Variants in RBM25 observed in about 807,000 individuals in gnomAD.
RBM25 encodes RNA binding motif protein 25, also known as RNA-binding protein 25.
Under a neutral mutation model 120.7 loss-of-function variants are expected in RBM25, and 19 were observed. The observed-to-expected ratio is 0.16, with a 90% CI of 0.11 to 0.23. RBM25 has a LOEUF of 0.23. Among genes scored for constraint, RBM25 ranks in the 10% least tolerant of loss-of-function variants. The probability of loss-of-function intolerance (pLI) is 1.00; values close to 1 mark genes in which losing one functional copy is unlikely to be tolerated. For synonymous variants in RBM25, 390 were observed against 326.7 expected, an observed-to-expected ratio of 1.19 and a Z score of -2.09; for missense variants, 605 against 1,041.5, an observed-to-expected ratio of 0.58 and a Z score of 5.77.
chr14:73,115,991 G>C (rs183377187), intron 18 of RBM25, among the ~76,000 whole-genome samples: 11 of 152,208 alleles, frequency 7.2e-5, no homozygotes, highest in African/African-American at 1.9e-4. Flanking sequence ...TCATTTAAGT[G>C]GGGGGAAAGA....
At chr14:73,114,676 A>C (rs1896385588) in intron 18 of RBM25, among the ~76,000 whole-genome samples, 1 of 152,204 alleles carries the variant, frequency 6.6e-6, no homozygotes, top group Admixed American at 6.5e-5. Context: ...CGGGTGGATC[A>C]CAAGGTCAAG....
At chr14:73,079,210 G>A (rs1307772943) in intron 4 of RBM25, among the ~76,000 whole-genome samples, 2 of 150,562 alleles carry the variant, frequency 1.3e-5, no homozygotes, top group African/African-American at 4.8e-5. Context: ...ATCACTTGAG[G>A]TCAGGAGTTT....
intron 7 of RBM25, among the ~76,000 whole-genome samples, chr14:73,098,416 C>T (rs181270791): frequency 2.0e-5 from 3 of 152,174 alleles, no homozygotes; most frequent in African/African-American, 7.2e-5. Context: ...AAGTGTGAAT[C>T]ACTCATAGCT....
At chr14:73,117,275 A>G (rs1211252786) in intron 18 of RBM25, among the ~76,000 whole-genome samples, 1 of 108,858 alleles carries the variant, frequency 9.2e-6, no homozygotes, top group Admixed American at 1.4e-4. Context: ...TTCCCAGGCT[A>G]TATGGAGTGA....
In RBM25 at chr14:73,123,249, C is replaced by T. The variant is rs1008963230; in HGVS notation, c.*3444C>T. 1 of 151,874 alleles carries T rather than the reference C, an allele frequency of 6.6e-6. No individual in the cohort carries two copies. Among genetic ancestry groups the T allele is most frequent in the Non-Finnish European group, 1.5e-5 (1 of 68,004 alleles). 9.4% of individuals were successfully genotyped at this position (151,874 alleles called of 1,614,324 possible). A position where few individuals can be genotyped will look rare whatever the true frequency, so the allele number is the denominator to read the frequency against. On this transcript the variant is annotated 3_prime_UTR_variant, in exon 19 of 19. Transcript: ENST00000261973. ...CATTTAGCTTGAGAGCCAATTTGAA[C>T]TAGACACTATCTTTTTTTCTCCTTT...
At chr14:73,065,309 G>A (rs1673652968) in intron 1 of RBM25, among the ~76,000 whole-genome samples, 1 of 151,948 alleles carries the variant, frequency 6.6e-6, no homozygotes, top group Admixed American at 6.6e-5. Flanking sequence ...TTGTATTTTA[G>A]TAGAGACGGG....
At position 73,112,352 on chromosome 14, in the gene RBM25, G is replaced by A. The variant is rs868599855; in HGVS notation, c.2391+102G>A. On this transcript the variant is annotated intron_variant, in intron 17 of 18. Coordinates refer to ENST00000261973, the MANE Select transcript of RBM25 (RefSeq NM_021239.3). The stretch of plus-strand genomic sequence containing the variant: ...ATTTTACAGAGTCAAGTTCCATGAT[G>A]GTTTAGGTTCAGTTAAGTGATTTAT... The A allele has an allele frequency of 8.6e-5, 99 of 1,148,056 alleles. No individual in the cohort carries two copies. In the Middle Eastern group the frequency reaches 9.4e-4, roughly 11 times the overall value. 71.1% of individuals were successfully genotyped at this position (1,148,056 alleles called of 1,614,324 possible).
At chr14:73,117,631 A>G (rs983375536) in intron 18 of RBM25, among the ~76,000 whole-genome samples, 3 of 152,162 alleles carry the variant, frequency 2.0e-5, no homozygotes, top group Non-Finnish European at 2.9e-5. Flanking sequence ...ACCTACTGCT[A>G]TGGTGTGTAG....
At chr14:73,067,793 A>G (rs1023557309) in intron 1 of RBM25, among the ~76,000 whole-genome samples, 4 of 147,212 alleles carry the variant, frequency 2.7e-5, no homozygotes, top group African/African-American at 1.0e-4. Flanking sequence ...TTGTATTTTT[A>G]GTAGAGACGG....
At chr14:73,077,335 C>G in intron 3 of RBM25, 34 bp from the exon 4 acceptor site, 1 of 1,541,254 alleles carries the variant, frequency 6.5e-7, no homozygotes, top group Non-Finnish European at 8.8e-7. Context: ...AATTTAATTG[C>G]TGGATCAATT....
intron 2 of RBM25, among the ~76,000 whole-genome samples, chr14:73,074,586 G>A (rs972822552): frequency 6.6e-6 from 1 of 152,092 alleles, no homozygotes; most frequent in Admixed American, 6.6e-5. Context: ...GGGAGGTGGG[G>A]GGTGGCAGTA....
intron 18 of RBM25, 91 bp downstream of exon 18, chr14:73,114,424 G>C (rs758320489): frequency 8.8e-5 from 77 of 873,192 alleles, no homozygotes; most frequent in Non-Finnish European, 1.3e-4. Flanking sequence ...GTCTCACCAC[G>C]TTGCCCAGGG....
chr14:73,085,019 A>G (rs1031201240), intron 5 of RBM25, among the ~76,000 whole-genome samples: 3 of 151,276 alleles, frequency 2.0e-5, no homozygotes, highest in Non-Finnish European at 3.0e-5. Context: ...ATTCATCAGT[A>G]GTCTTTTTTC....
chr14:73,070,994 C>A (rs1167589441), intron 1 of RBM25, among the ~76,000 whole-genome samples: 1 of 147,800 alleles, frequency 6.8e-6, no homozygotes, highest in African/African-American at 2.5e-5. Context: ...GTAATCCCAG[C>A]ACTTTGGGAG....
Position 73,115,180 on chromosome 14 carries a change from G to GTGTGTT in RBM25, c.2439+852_2439+853insTTGTGT, listed in dbSNP as rs1365849702. Among the ~76,000 whole-genome samples, 25 of 151,770 alleles carry GTGTGTT rather than the reference G, an allele frequency of 1.6e-4. 1 individual carries two copies. The highest frequency in any genetic ancestry group is 6.1e-4 in the African/African-American group (25 of 41,224). On this transcript the variant is annotated intron_variant, in intron 18 of 18. Coordinates refer to ENST00000261973, the MANE Select transcript of RBM25 (RefSeq NM_021239.3). ...TGTGTGTGTGTGTGTGTGTGTGTGT[G>GTGTGTT]TGTGTGTGTTTTAAGTCGGATACAT...
intron 18 of RBM25, among the ~76,000 whole-genome samples, chr14:73,118,308 T>C (rs956843260): frequency 3.3e-5 from 5 of 152,002 alleles, no homozygotes; most frequent in Non-Finnish European, 5.9e-5. Context: ...AGACCCTGTC[T>C]CTACTAAAAA....
At chr14:73,073,643 A>C (rs1174550682) in intron 2 of RBM25, among the ~76,000 whole-genome samples, 1 of 152,156 alleles carries the variant, frequency 6.6e-6, no homozygotes, top group Non-Finnish European at 1.5e-5. Context: ...AGCTGAGATC[A>C]TGCCACTGCA....
At position 73,105,876 on chromosome 14, in the gene RBM25, G is replaced by A. The variant is rs770815544; in HGVS notation, c.1172G>A (p.Arg391His). Residue 391 changes from arginine (R) to histidine (H), a missense_variant, in exon 11 of 19, where the codon CGT (arginine) becomes CAT (histidine). This residue lies in a region of RBM25 where 465 missense variants were observed against 741.6 expected (regional missense o/e 0.63). Transcript: ENST00000261973. Reference sequence around the variant, plus strand: ...TACATTAGAGAAAAAAGCAGAGATCGTGAAAGGGAACGAGAGCGGGAAAGA... The same window carrying A: ...TACATTAGAGAAAAAAGCAGAGATCATGAAAGGGAACGAGAGCGGGAAAGA... Reference protein sequence around the residue: ...RSRSREKSRDRERERERERER... With the variant: ...RSRSREKSRDHERERERERER... 5.6e-6 allele frequency: 9 copies of A among 1,610,796 alleles called. No individual in the cohort carries two copies. Among genetic ancestry groups the A allele is most frequent in the Non-Finnish European group, 6.8e-6 (8 of 1,178,906 alleles).
At chr14:73,068,240 T>G (rs1290600981) in intron 1 of RBM25, 1 of 868,524 alleles carries the variant, frequency 1.2e-6, no homozygotes, top group Non-Finnish European at 1.9e-6. Context: ...AAATGCCTCT[T>G]TAATATTTTT....
Sources: allele counts gnomAD v4.1 joint callset (sites outside exome capture counted in the v4.1 genomes callset), GRCh38; gene constraint gnomAD v4.1.1; regional missense constraint gnomAD v4.1.1; transcripts MANE v1.5; gene names NCBI Gene and HGNC (gene_info 2026-07-23, HGNC 2026-07-21).